CAPN2: variants seen among roughly 807,000 people sequenced by gnomAD.
CAPN2 encodes the protein calpain 2.
Under a neutral mutation model 102.3 loss-of-function variants are expected in CAPN2, and 92 were observed. The observed-to-expected ratio is 0.90, with a 90% confidence interval of 0.76 to 1.07. The LOEUF (loss-of-function observed/expected upper bound fraction) is 1.07. CAPN2 is among the 50% of genes least tolerant of loss of function. CAPN2 has a pLI of 0.00. For synonymous variants in CAPN2, 340 were observed against 355.4 expected (o/e 0.96, Z 0.49); for missense variants, 800 against 909.4 (o/e 0.88, Z 1.55).
At position 223,775,013 on chromosome 1, in the gene CAPN2, G is replaced by C; in HGVS notation, c.*156G>C. 1.5e-6 allele frequency: 1 copy of C among 667,210 alleles called. No individual in the cohort carries two copies. The highest frequency in any genetic ancestry group is 2.6e-6 in the Non-Finnish European group (1 of 382,558). 41.3% of individuals were successfully genotyped at this position (667,210 alleles called of 1,614,324 possible). A position where few individuals can be genotyped will look rare whatever the true frequency, so the allele number is the denominator to read the frequency against. ...GAAAATAATGATACTGTCAATTTGA[G>C]ATAGCAGAAGTTTCACACATCAAAG... On this transcript the variant is annotated 3_prime_UTR_variant, in exon 21 of 21. Coordinates refer to ENST00000295006, the MANE Select transcript of CAPN2 (RefSeq NM_001748.5).
intron 16 of CAPN2, among the ~76,000 whole-genome samples, chr1:223,769,386 G>C (rs951399710): frequency 6.6e-6 from 1 of 152,124 alleles, no homozygotes; most frequent in African/African-American, 2.4e-5. Flanking sequence ...CTCCCAAAGT[G>C]CTGGGATTAG....
chr1:223,750,999 G>A (rs759961186), intron 7 of CAPN2, 24 bp downstream of exon 7: 38 of 1,541,280 alleles, frequency 2.5e-5, no homozygotes, highest in African/African-American at 2.7e-5. Flanking sequence ...AGGCCTCGGG[G>A]CCCCAGGCGG....
At chr1:223,734,607 C>T (rs1022654664) in intron 2 of CAPN2, among the ~76,000 whole-genome samples, 3 of 152,142 alleles carry the variant, frequency 2.0e-5, no homozygotes, top group Admixed American at 2.0e-4. Context: ...CCGGCCACAA[C>T]CCTCTCTCCT....
At chr1:223,758,831 T>C in intron 11 of CAPN2, 1 of 251,494 alleles carries the variant, frequency 4.0e-6, no homozygotes, top group Non-Finnish European at 7.8e-6. Flanking sequence ...TAGCTGAGAC[T>C]ACAGGCGCTT....
At chr1:223,744,266 T>C (rs758175567) in intron 3 of CAPN2, 48 bp downstream of exon 3, 7 of 1,201,284 alleles carry the variant, frequency 5.8e-6, no homozygotes, top group Non-Finnish European at 7.5e-6. Context: ...TCCAGGGGGC[T>C]AGGAACAGTC....
At chr1:223,714,091 T>C (rs1659810280) in intron 1 of CAPN2, among the ~76,000 whole-genome samples, 1 of 152,154 alleles carries the variant, frequency 6.6e-6, no homozygotes, top group Admixed American at 6.5e-5. Context: ...TAGTCACATG[T>C]TCCCTTCCTA....
At chr1:223,753,109 C>G (rs544196137) in intron 9 of CAPN2, among the ~76,000 whole-genome samples, 153 bp downstream of exon 9, 266 of 150,386 alleles carry the variant, frequency 1.8e-3, no homozygotes, top group African/African-American at 6.4e-3. Flanking sequence ...TCTCCCTGAG[C>G]CTTTTCTTTT....
At chr1:223,772,580 A>C in intron 20 of CAPN2, 1 of 250,858 alleles carries the variant, frequency 4.0e-6, no homozygotes, top group Non-Finnish European at 7.5e-6. Context: ...ATATAAAGAA[A>C]TCCTTCAGCT....
chr1:223,719,104 C>A (rs1458284749), intron 2 of CAPN2, among the ~76,000 whole-genome samples: 3 of 152,210 alleles, frequency 2.0e-5, no homozygotes, highest in Non-Finnish European at 4.4e-5. Flanking sequence ...AGAAAACACT[C>A]CTTTCATTTC....
chr1:223,734,622 C>T (rs1290320217), intron 2 of CAPN2, among the ~76,000 whole-genome samples: 1 of 152,130 alleles, frequency 6.6e-6, no homozygotes, highest in Non-Finnish European at 1.5e-5. Context: ...TCTCCTTGCC[C>T]CTCACCAGCC....
chr1:223,704,529 G>A (rs1339756895), intron 1 of CAPN2, among the ~76,000 whole-genome samples: 2 of 152,162 alleles, frequency 1.3e-5, no homozygotes, highest in African/African-American at 4.8e-5. Flanking sequence ...TGGAGAAATT[G>A]AGGTCTAGGA....
intron 2 of CAPN2, among the ~76,000 whole-genome samples, chr1:223,736,029 T>G (rs1267989190): frequency 6.6e-6 from 1 of 152,146 alleles, no homozygotes; most frequent in Non-Finnish European, 1.5e-5. Context: ...CTGCCCACCT[T>G]GGTCTCCCAA....
At chr1:223,762,997 A>T (rs1039815739) in intron 14 of CAPN2, among the ~76,000 whole-genome samples, 1 of 150,742 alleles carries the variant, frequency 6.6e-6, no homozygotes, top group Non-Finnish European at 1.5e-5. Context: ...TAATTTTTAA[A>T]TTTTTTTTAG....
At position 223,731,722 on chromosome 1, in the gene CAPN2, CAG is replaced by C. The variant is rs1279391640; in HGVS notation, c.308-12375_308-12374del. Among the ~76,000 whole-genome samples the C allele has an allele frequency of 1.3e-5, 2 of 152,200 alleles. No homozygotes were observed. Among genetic ancestry groups the C allele is most frequent in the Non-Finnish European group, 2.9e-5 (2 of 68,050 alleles). ...CCTCCAGAGTTGACTTACGCGAGGA[CAG>C]AGGTGTGCAGAGGCACGGCAAGCTG... is the stretch of plus-strand genomic sequence containing the variant. On this transcript the variant is annotated intron_variant, in intron 2 of 20. Coordinates refer to ENST00000295006, the MANE Select transcript of CAPN2 (RefSeq NM_001748.5). The surrounding 1 kb of genome is among the most constrained non-coding windows in gnomAD (Gnocchi z 4.2).
intron 5 of CAPN2, 35 bp downstream of exon 5, chr1:223,747,200 T>C: frequency 6.4e-7 from 1 of 1,564,264 alleles, no homozygotes; most frequent in Non-Finnish European, 8.7e-7. Context: ...CCTCACCCCA[T>C]CTGCTCTTGC....
chr1:223,754,208 G>T lies in CAPN2; in HGVS notation c.1135+1252G>T, dbSNP rs28370089. On this transcript the variant is annotated intron_variant, in intron 9 of 20. Coordinates refer to ENST00000295006, the MANE Select transcript of CAPN2 (RefSeq NM_001748.5). This position sits in a 1 kb window ranked among gnomAD's most constrained non-coding sequence, Gnocchi z 4.7. ...GATGAGGAAGCTGAGCCTCTAAGTCGCATACCAGGGCCACAGAGCAAGTAG... is the reference window on the plus strand; with the variant it reads ...GATGAGGAAGCTGAGCCTCTAAGTCTCATACCAGGGCCACAGAGCAAGTAG... 4.9e-3 allele frequency among the ~76,000 whole-genome samples: 744 copies of T among 152,274 alleles called. 4 individuals carry two copies. The highest frequency in any genetic ancestry group is 0.017 in the African/African-American group (720 of 41,550).
At chr1:223,762,319 A>T in intron 14 of CAPN2, 68 bp downstream of exon 14, 1 of 1,265,038 alleles carries the variant, frequency 7.9e-7, no homozygotes, top group Non-Finnish European at 1.2e-6. Context: ...GTGTGTCCCC[A>T]AGGGGACTTT....
In CAPN2 at chr1:223,745,320, C is replaced by A. The variant is rs147841921; in HGVS notation, c.441C>A (p.Gly147=). 1 of 1,614,136 alleles carries A rather than the reference C, an allele frequency of 6.2e-7. No homozygotes were observed. Among genetic ancestry groups the A allele is most frequent in the East Asian group, 2.2e-5 (1 of 44,876 alleles). ...GIFHFQFWQY[G]EWVEVVVDDR... ...TTGTTCTGCAGTTCTGGCAATACGG[C>A]GAGTGGGTGGAGGTGGTGGTGGATG... The change falls in exon 4 of 21, where the codon GGC becomes GGA. Residue 147 remains glycine, a synonymous_variant. Transcript: ENST00000295006.
chr1:223,750,301 GT>G (rs1660854346), intron 6 of CAPN2, among the ~76,000 whole-genome samples: 1 of 152,150 alleles, frequency 6.6e-6, no homozygotes, highest in African/African-American at 2.4e-5. Flanking sequence ...AGTTGCAGAC[GT>G]TATGACACTT....
Sources: allele counts gnomAD v4.1 joint callset (sites outside exome capture counted in the v4.1 genomes callset), GRCh38; gene constraint gnomAD v4.1.1; non-coding constraint Gnocchi (gnomAD v3.1); transcripts MANE v1.5; gene names NCBI Gene and HGNC (gene_info 2026-07-23, HGNC 2026-07-21).